SPOCK1: variants seen among roughly 807,000 people sequenced by gnomAD.
SPOCK1 encodes the protein SPARC (osteonectin), cwcv and kazal like domains proteoglycan 1, also known as testican-1.
SPOCK1 carries 23 observed loss-of-function variants against 55.3 expected under a neutral mutation model. The observed-to-expected ratio is 0.42, with a 90% CI of 0.30 to 0.59. SPOCK1 has a LOEUF of 0.59. Among genes scored for constraint, SPOCK1 ranks in the 20% least tolerant of loss-of-function variants. SPOCK1 has a pLI of 0.22. For synonymous variants in SPOCK1, 226 were observed against 221.0 expected, an observed-to-expected ratio of 1.02 and a Z score of -0.20; for missense variants, 499 against 552.5, an observed-to-expected ratio of 0.90 and a Z score of 0.97.
intron 2 of SPOCK1, among the ~76,000 whole-genome samples, chr5:137,309,606 C>T (rs140890077): frequency 2.0e-5 from 3 of 152,218 alleles, no homozygotes; most frequent in East Asian, 1.9e-4. Context: ...GGGTTGAGTG[C>T]GCTATAACCT....
At chr5:137,213,570 C>T (rs147890537) in intron 3 of SPOCK1, among the ~76,000 whole-genome samples, 3 of 152,282 alleles carry the variant, frequency 2.0e-5, no homozygotes, top group Admixed American at 1.3e-4. Flanking sequence ...CCTCTAACCA[C>T]CACGCTCGCA....
intron 3 of SPOCK1, among the ~76,000 whole-genome samples, chr5:137,236,416 A>G (rs1462149990): frequency 6.6e-6 from 1 of 152,238 alleles, no homozygotes; most frequent in Non-Finnish European, 1.5e-5. Flanking sequence ...TAAGCTGCCA[A>G]GGAAGGAGGA....
chr5:137,117,171 T>C (rs1362381005), intron 4 of SPOCK1, among the ~76,000 whole-genome samples: 3 of 152,372 alleles, frequency 2.0e-5, no homozygotes, highest in African/African-American at 7.2e-5. Flanking sequence ...TTCCCTGCCA[T>C]GCAGTCCTAT....
chr5:137,194,383 G>A (rs535151489), intron 3 of SPOCK1, among the ~76,000 whole-genome samples: 2 of 152,292 alleles, frequency 1.3e-5, no homozygotes, highest in Admixed American at 6.5e-5. Flanking sequence ...TCAGGGAAAG[G>A]GAACAGCTCG....
At chr5:137,050,329 G>C (rs1417009259) in intron 6 of SPOCK1, among the ~76,000 whole-genome samples, 8 of 135,894 alleles carry the variant, frequency 5.9e-5, no homozygotes, top group African/African-American at 2.2e-4. Context: ...CCAGGTGTGG[G>C]ATATAGTCTC....
chr5:137,330,264 T>A (rs1758147555), intron 2 of SPOCK1, among the ~76,000 whole-genome samples: 1 of 152,148 alleles, frequency 6.6e-6, no homozygotes, highest in African/African-American at 2.4e-5. Context: ...TAATTGCAAT[T>A]GTCAGTGGCG....
At chr5:137,151,253 G>A (rs1018168823) in intron 3 of SPOCK1, among the ~76,000 whole-genome samples, 1 of 152,048 alleles carries the variant, frequency 6.6e-6, no homozygotes, top group African/African-American at 2.4e-5. Context: ...TCAGTCTCCT[G>A]AAGTGCTGGA....
In SPOCK1 at chr5:137,450,514, G is replaced by A. The variant is rs796867761; in HGVS notation, c.186+47859C>T. Among the ~76,000 whole-genome samples, 9 of 152,276 alleles carry A rather than the reference G, an allele frequency of 5.9e-5. No individual in the cohort carries two copies. The East Asian group carries it at 1.7e-3, about 29-fold the overall frequency. ...AGCTCAATCAGGGCTGACTTCATGG[G>A]TGTGTGACCTGCGCATTCACATAGG... is the stretch of plus-strand genomic sequence containing the variant. On this transcript the variant is annotated intron_variant, in intron 2 of 10. Transcript: ENST00000394945.
chr5:137,197,073 A>G, intron 3 of SPOCK1, among the ~76,000 whole-genome samples: 1 of 152,200 alleles, frequency 6.6e-6, no homozygotes, highest in East Asian at 1.9e-4. Context: ...CTTAATCTTG[A>G]CAACACGATC....
chr5:137,168,888 T>G (rs1283949454), intron 3 of SPOCK1, among the ~76,000 whole-genome samples: 1 of 152,160 alleles, frequency 6.6e-6, no homozygotes, highest in African/African-American at 2.4e-5. Flanking sequence ...TGAAGAGATA[T>G]GTGCACTCTC....
At chr5:137,402,442 G>A (rs1752003771) in intron 2 of SPOCK1, among the ~76,000 whole-genome samples, 2 of 152,192 alleles carry the variant, frequency 1.3e-5, no homozygotes, top group Admixed American at 1.3e-4. Context: ...CAACCATTTG[G>A]AGTGGGAATG....
intron 2 of SPOCK1, among the ~76,000 whole-genome samples, chr5:137,314,067 A>C (rs976912039): frequency 1.3e-5 from 2 of 151,324 alleles, no homozygotes; most frequent in Non-Finnish European, 2.9e-5. Flanking sequence ...GTTTGGCCTC[A>C]AGCTCTGAGC....
intron 2 of SPOCK1, among the ~76,000 whole-genome samples, chr5:137,418,725 C>A (rs1752412001): frequency 6.6e-6 from 1 of 152,122 alleles, no homozygotes; most frequent in Non-Finnish European, 1.5e-5. Flanking sequence ...GAGCAGATTG[C>A]AAAAATTTTC....
At chr5:137,211,894 A>G (rs148345755) in intron 3 of SPOCK1, among the ~76,000 whole-genome samples, 307 of 152,258 alleles carry the variant, frequency 2.0e-3, no homozygotes, top group African/African-American at 6.5e-3. Flanking sequence ...ACCTTGTCCT[A>G]TGCATCTCCT....
intron 2 of SPOCK1, among the ~76,000 whole-genome samples, chr5:137,496,660 T>C (rs1057127546): frequency 3.9e-5 from 6 of 152,112 alleles, no homozygotes; most frequent in Admixed American, 1.3e-4. Context: ...AAAGCAAAAT[T>C]ATCTCTGCCC....
intron 5 of SPOCK1, among the ~76,000 whole-genome samples, chr5:137,102,812 G>C (rs183643507): frequency 6.6e-6 from 1 of 152,282 alleles, no homozygotes; most frequent in Non-Finnish European, 1.5e-5. Context: ...GTGAGAGCTA[G>C]ATGAAATAAT....
intron 4 of SPOCK1, among the ~76,000 whole-genome samples, chr5:137,139,002 G>A (rs979468325): frequency 2.4e-4 from 37 of 152,266 alleles, no homozygotes; most frequent in African/African-American, 8.9e-4. Flanking sequence ...CCTCTCATTT[G>A]TAAAGCAGAG....
intron 3 of SPOCK1, among the ~76,000 whole-genome samples, chr5:137,264,307 G>A (rs1756805165): frequency 6.6e-6 from 1 of 152,182 alleles, no homozygotes; most frequent in Non-Finnish European, 1.5e-5. Flanking sequence ...TCACTCGCCT[G>A]CTCAAAGACT....
intron 2 of SPOCK1, among the ~76,000 whole-genome samples, chr5:137,319,481 G>A (rs945766741): frequency 5.9e-5 from 9 of 152,140 alleles, no homozygotes; most frequent in Admixed American, 5.9e-4. Context: ...ACTTGTAAAT[G>A]GTTTCTTGGA....
Sources: allele counts gnomAD v4.1 joint callset (sites outside exome capture counted in the v4.1 genomes callset), GRCh38; gene constraint gnomAD v4.1.1; transcripts MANE v1.5; gene names NCBI Gene and HGNC (gene_info 2026-07-23, HGNC 2026-07-21).